The following KCNB2 variants were observed in gnomAD, a reference collection of about 807,000 sequenced individuals.
The protein encoded by KCNB2 is potassium voltage-gated channel subfamily B member 2, also known as delayed rectifier potassium channel protein.
Under a neutral mutation model 61.5 loss-of-function variants are expected in KCNB2, and 15 were observed. The ratio of observed to expected loss-of-function variants is 0.24; its 90% CI spans 0.16 to 0.38. The LOEUF (loss-of-function observed/expected upper bound fraction) is 0.38. Ranked by LOEUF, KCNB2 falls within the 10% of genes least tolerant of loss-of-function variation. The pLI is 1.00. For synonymous variants in KCNB2, 457 were observed against 446.0 expected (o/e 1.02, Z -0.31); for missense variants, 828 against 1,125.2 (o/e 0.74, Z 3.78).
intron 2 of KCNB2, among the ~76,000 whole-genome samples, chr8:72,744,826 A>C (rs1022461013): frequency 6.6e-6 from 1 of 152,220 alleles, no homozygotes; most frequent in African/African-American, 2.4e-5. Context: ...CCTAAGGCAC[A>C]ATGACAAGAA....
intron 2 of KCNB2, among the ~76,000 whole-genome samples, chr8:72,742,953 T>C (rs1807988960): frequency 1.3e-5 from 2 of 152,238 alleles, no homozygotes; most frequent in South Asian, 4.1e-4. Context: ...ACCAGCTCTG[T>C]CCCATATGTT....
rs1054865745 is a variant in KCNB2, at chr8:72,597,036, T to G, written c.579+28723T>G. On this transcript the variant is annotated intron_variant, in intron 2 of 2. Transcript: ENST00000523207. ...TTTTTTTTTTTTTTTTTTTTTTTTT[T>G]TTTTTTGAGATGGACTCTCATTCTG... is the stretch of plus-strand genomic sequence containing the variant. Among the ~76,000 whole-genome samples, 12 of 108,778 alleles carry G rather than the reference T, an allele frequency of 1.1e-4. No individual in the cohort carries two copies. The East Asian group carries it at 2.1e-3, about 19-fold the overall frequency. The allele number at this position is 108,778 out of a possible 152,430, so 71.4% of individuals were successfully genotyped here.
At chr8:72,825,433 T>C (rs1800536015) in intron 2 of KCNB2, among the ~76,000 whole-genome samples, 1 of 152,252 alleles carries the variant, frequency 6.6e-6, no homozygotes, top group South Asian at 2.1e-4. Flanking sequence ...TGCTGCATCA[T>C]ATGGTAGTTC....
intron 2 of KCNB2, among the ~76,000 whole-genome samples, chr8:72,643,899 G>T (rs1806091106): frequency 6.6e-6 from 1 of 152,032 alleles, no homozygotes; most frequent in Non-Finnish European, 1.5e-5. Flanking sequence ...GTACAGAAAG[G>T]GAGTTTAAAC....
chr8:72,679,587 A>G (rs1361321532), intron 2 of KCNB2, among the ~76,000 whole-genome samples: 1 of 152,256 alleles, frequency 6.6e-6, no homozygotes, highest in Non-Finnish European at 1.5e-5. Flanking sequence ...GGAATTTTCC[A>G]TTCTACTCCA....
chr8:72,887,227 A>G lies in KCNB2; in HGVS notation c.580-48708A>G, dbSNP rs576721498. Among the ~76,000 whole-genome samples, 6 of 152,354 alleles carry G rather than the reference A, an allele frequency of 3.9e-5. No homozygotes were observed. The South Asian group carries it at 1.2e-3, about 32-fold the overall frequency. On this transcript the variant is annotated intron_variant, in intron 2 of 2. Transcript: ENST00000523207. ...TCCCAGAATGGCCTATTTGTCTAAT[A>G]CAAATGCAGTCCACATCACACCTTG...
chr8:72,851,848 A>AAAAAAAAC (rs869038932), intron 2 of KCNB2, among the ~76,000 whole-genome samples: 4 of 145,626 alleles, frequency 2.7e-5, no homozygotes, highest in Non-Finnish European at 6.0e-5. Context: ...AAAAAAAAAA[A>AAAAAAAAC]CACGTACTGC....
At position 72,537,313 on chromosome 8, in the gene KCNB2, C is replaced by A; in HGVS notation, c.-666C>A. The A allele has an allele frequency of 6.6e-6, 1 of 152,372 alleles. No individual in the cohort carries two copies. Among genetic ancestry groups the A allele is most frequent in the South Asian group, 1.8e-4 (1 of 5,580 alleles). 9.4% of individuals were successfully genotyped at this position (152,372 alleles called of 1,614,324 possible). Reference sequence around the variant, plus strand: ...CCGCCTAGCCTCCCGCGCGCAGCCTCTACCCTGCTCCGCCACAGACACACA... The same window carrying A: ...CCGCCTAGCCTCCCGCGCGCAGCCTATACCCTGCTCCGCCACAGACACACA... On this transcript the variant is annotated 5_prime_UTR_variant, in exon 1 of 3. Transcript: ENST00000523207.
In KCNB2 at chr8:72,616,985, T is replaced by C. The variant is rs149198025; in HGVS notation, c.579+48672T>C. Among the ~76,000 whole-genome samples, 68 of 152,284 alleles carry C rather than the reference T, an allele frequency of 4.5e-4. No homozygotes were observed. The East Asian group carries it at 0.013, about 29-fold the overall frequency. ...TGGCTTCCACAATTCCTCTCTCTCTTGTAATGCTCTGTGGCTTCACACCTC... is the reference window on the plus strand; with the variant it reads ...TGGCTTCCACAATTCCTCTCTCTCTCGTAATGCTCTGTGGCTTCACACCTC... On this transcript the variant is annotated intron_variant, in intron 2 of 2. Transcript: ENST00000523207.
At chr8:72,787,576 A>C (rs1005215120) in intron 2 of KCNB2, among the ~76,000 whole-genome samples, 7 of 152,110 alleles carry the variant, frequency 4.6e-5, no homozygotes, top group Admixed American at 3.9e-4. Flanking sequence ...AGATCTTCAC[A>C]CAAATTGCTT....
chr8:72,740,813 A>G (rs553210192), intron 2 of KCNB2, among the ~76,000 whole-genome samples: 3 of 152,310 alleles, frequency 2.0e-5, no homozygotes, highest in Non-Finnish European at 4.4e-5. Context: ...TTTGAAATTT[A>G]TGTGACTTAA....
At chr8:72,677,173 G>T (rs960953376) in intron 2 of KCNB2, among the ~76,000 whole-genome samples, 2 of 152,174 alleles carry the variant, frequency 1.3e-5, no homozygotes, top group African/African-American at 4.8e-5. Flanking sequence ...ACTACAGGAA[G>T]CTAGGAGACA....
At chr8:72,910,830 G>C (rs1185540589) in intron 2 of KCNB2, among the ~76,000 whole-genome samples, 1 of 152,190 alleles carries the variant, frequency 6.6e-6, no homozygotes, top group African/African-American at 2.4e-5. Flanking sequence ...AGTTAAAAGA[G>C]TATTCTGACG....
chr8:72,571,254 C>G (rs1806703907), intron 2 of KCNB2, among the ~76,000 whole-genome samples: 1 of 152,122 alleles, frequency 6.6e-6, no homozygotes, highest in Admixed American at 6.5e-5. Context: ...AAAATTATTA[C>G]AAGGTCAACT....
At chr8:72,788,342 T>TG (rs910072464) in intron 2 of KCNB2, among the ~76,000 whole-genome samples, 17 of 152,140 alleles carry the variant, frequency 1.1e-4, no homozygotes, top group Non-Finnish European at 5.9e-5. Context: ...TTGCAGATGA[T>TG]GTCTTCTCAT....
intron 2 of KCNB2, among the ~76,000 whole-genome samples, chr8:72,681,391 G>A (rs528345265): frequency 5.9e-4 from 89 of 151,802 alleles, no homozygotes; most frequent in African/African-American, 2.0e-3. Context: ...TAAGACAAAC[G>A]AACACATTAA....
intron 2 of KCNB2, among the ~76,000 whole-genome samples, chr8:72,587,000 G>A (rs1472782112): frequency 6.6e-6 from 1 of 151,732 alleles, no homozygotes; most frequent in Non-Finnish European, 1.5e-5. Context: ...ATTAAAATAC[G>A]GCCTATTGAT....
intron 2 of KCNB2, among the ~76,000 whole-genome samples, chr8:72,573,187 T>A (rs1448250579): frequency 6.6e-6 from 1 of 152,068 alleles, no homozygotes; most frequent in Non-Finnish European, 1.5e-5. Context: ...AAACAAAAAC[T>A]CCTGTGTACT....
intron 2 of KCNB2, among the ~76,000 whole-genome samples, chr8:72,592,453 C>CTGTG (rs10676983): frequency 0.26 from 38,691 of 149,570 alleles, 5,778 homozygotes; most frequent in Admixed American, 0.36. Context: ...ATTATCAACT[C>CTGTG]TGTGTGTGTG....
Sources: gnomAD v4.1 joint callset for allele counts (sites outside exome capture counted in the v4.1 genomes callset) on GRCh38, gnomAD v4.1.1 for gene constraint, MANE v1.5 for transcripts, NCBI Gene and HGNC (gene_info 2026-07-23, HGNC 2026-07-21) for gene names.